The following LRRC37B variants were observed in gnomAD, a reference collection of about 807,000 sequenced individuals.
LRRC37B encodes leucine rich repeat containing 37B.
LRRC37B carries 28 observed loss-of-function variants against 98.3 expected under a neutral mutation model. That is an observed-to-expected ratio of 0.28 (90% CI 0.21 to 0.39). The LOEUF is 0.39. LRRC37B is among the 10% of genes least tolerant of loss of function. The pLI, the probability that LRRC37B is intolerant of heterozygous loss-of-function variation, is 1.00. For missense variants in LRRC37B, 938 were observed against 1,182.7 expected (o/e 0.79, Z 3.03); for synonymous variants, 364 against 442.7 (o/e 0.82, Z 2.23).
At chr17:32,029,830 C>T (rs1278642910) in intron 3 of LRRC37B, among the ~76,000 whole-genome samples, 1 of 152,120 alleles carries the variant, frequency 6.6e-6, no homozygotes, top group Non-Finnish European at 1.5e-5. Context: ...TGAGAGGGCA[C>T]GTTAGAACTC....
chr17:32,015,733 T>C (rs1297690998), intron 1 of LRRC37B, among the ~76,000 whole-genome samples: 1 of 152,230 alleles, frequency 6.6e-6, no homozygotes. Context: ...TGTTTATGGG[T>C]GTCATTGGTT....
At chr17:32,015,202 G>T (rs1424919581) in intron 1 of LRRC37B, among the ~76,000 whole-genome samples, 1 of 152,152 alleles carries the variant, frequency 6.6e-6, no homozygotes, top group Non-Finnish European at 1.5e-5. Context: ...AGGGATTGGG[G>T]GCAAATGGAA....
At chr17:32,018,627 C>CACAG (rs1054288029), upstream of LRRC37B, among the ~76,000 whole-genome samples, 1 of 152,108 alleles carries the variant, frequency 6.6e-6, no homozygotes, top group Non-Finnish European at 1.5e-5. Flanking sequence ...GCTGCTTGAA[C>CACAG]ACAGGCCTTT....
chr17:32,008,527 A>G (rs963472736), intron 1 of LRRC37B, among the ~76,000 whole-genome samples: 1 of 152,200 alleles, frequency 6.6e-6, no homozygotes, highest in Non-Finnish European at 1.5e-5. Context: ...TTGTTTTGCA[A>G]ACCTCTTTGC....
At chr17:32,021,429 G>C (rs773714606) in exon 1 of LRRC37B, 4 of 1,613,594 alleles carry the variant, frequency 2.5e-6, no homozygotes, top group Non-Finnish European at 3.4e-6. Context: ...TGAAAATTTG[G>C]CTCCATTCCT....
chr17:32,027,123 A>T (rs932740636), intron 2 of LRRC37B, among the ~76,000 whole-genome samples: 8 of 152,216 alleles, frequency 5.3e-5, no homozygotes, highest in Non-Finnish European at 1.2e-4. Flanking sequence ...TGGGGGAAAA[A>T]TGTTGAATGG....
intron 7 of LRRC37B, chr17:32,040,467 C>T (rs1228162231): frequency 1.9e-5 from 12 of 618,256 alleles, no homozygotes; most frequent in Non-Finnish European, 2.7e-5. Flanking sequence ...AGCAGTTCTA[C>T]AAGGCAAGCC....
At chr17:32,014,016 C>G (rs1261670410) in intron 1 of LRRC37B, among the ~76,000 whole-genome samples, 1 of 152,162 alleles carries the variant, frequency 6.6e-6, no homozygotes, top group African/African-American at 2.4e-5. Flanking sequence ...CCTCAACTTT[C>G]CCCTAATTAT....
rs569557352 is a variant in LRRC37B, at chr17:32,042,180, C to A, written c.2205-3520C>A. ...CTGGGATCTGCCCCACCTTCCCCCCCATACTGCTCCCCTCAACCAGGACAG... is the reference window on the plus strand; with the variant it reads ...CTGGGATCTGCCCCACCTTCCCCCCAATACTGCTCCCCTCAACCAGGACAG... On this transcript the variant is annotated intron_variant, in intron 7 of 11. Transcript: ENST00000327564. 511 of 278,692 alleles carry A rather than the reference C, an allele frequency of 1.8e-3. 2 individuals carry two copies. The highest frequency in any genetic ancestry group is 3.1e-3 in the Non-Finnish European group (431 of 141,174). 17.3% of individuals were successfully genotyped at this position (278,692 alleles called of 1,614,324 possible).
In LRRC37B at chr17:32,035,658, G is replaced by C. The variant is rs1209974562; in HGVS notation, c.2204+19G>C. ...AAAAACTGTAAGTTATTTTTTCTTA[G>C]ATTTATTTTTACTTAGTTGGTTTTT... is the stretch of plus-strand genomic sequence containing the variant. On this transcript the variant is annotated intron_variant, in intron 7 of 11. Coordinates refer to ENST00000327564, the Ensembl canonical transcript of LRRC37B. The C allele has an allele frequency of 6.3e-7, 1 of 1,589,074 alleles. No homozygotes were observed. Among genetic ancestry groups the C allele is most frequent in the Non-Finnish European group, 8.6e-7 (1 of 1,167,204 alleles).
rs890503334 is a variant in LRRC37B, at chr17:32,045,791, G to C, written c.2296G>C (p.Ala766Pro). The C allele has an allele frequency of 4.4e-6, 7 of 1,600,170 alleles. No homozygotes were observed. Among genetic ancestry groups the C allele is most frequent in the East Asian group, 2.2e-5 (1 of 44,894 alleles). The change falls in exon 8 of 12, where the codon GCA becomes CCA. Residue 766 changes from alanine to proline, a missense_variant. This residue lies in a region of LRRC37B where 328 missense variants were observed against 557.0 expected (regional missense o/e 0.59). Coordinates refer to ENST00000327564, the Ensembl canonical transcript of LRRC37B. ...GACAGTCAAGCTGCATTGCAACACT[G>C]CATGTCTGACTAACAGCATACATTG...
chr17:32,008,389 T>A (rs567844871), intron 1 of LRRC37B, among the ~76,000 whole-genome samples: 76 of 152,240 alleles, frequency 5.0e-4, no homozygotes, highest in Non-Finnish European at 8.8e-4. Flanking sequence ...CTCCCTTTTT[T>A]TCTCCTCAAA....
At chr17:32,032,361 G>C (rs1480665432) in intron 5 of LRRC37B, among the ~76,000 whole-genome samples, 1 of 152,030 alleles carries the variant, frequency 6.6e-6, no homozygotes, top group Non-Finnish European at 1.5e-5. Flanking sequence ...TTTATGTTAA[G>C]CTATTGTGCA....
rs530051777 is a variant in LRRC37B, at chr17:32,052,844, C to T, written c.2863-422C>T. On this transcript the variant is annotated intron_variant, in intron 11 of 11. Coordinates refer to ENST00000327564, the Ensembl canonical transcript of LRRC37B. Reference sequence around the variant, plus strand: ...CCTGTAGTCCCAGCTACTCAAGAGGCTGAGGTGGGCAGATCACTGGAGCCC... The same window carrying T: ...CCTGTAGTCCCAGCTACTCAAGAGGTTGAGGTGGGCAGATCACTGGAGCCC... The T allele has an allele frequency of 4.6e-3, 713 of 154,612 alleles. 23 individuals carry two copies. Among genetic ancestry groups the T allele is most frequent in the Admixed American group, 0.04 (614 of 15,310 alleles). 9.6% of individuals were successfully genotyped at this position (154,612 alleles called of 1,614,324 possible). A position where few individuals can be genotyped will look rare whatever the true frequency, so the allele number is the denominator to read the frequency against.
At chr17:32,052,626 G>C (rs1047718723) in intron 11 of LRRC37B, 1 of 152,120 alleles carries the variant, frequency 6.6e-6, no homozygotes, top group Non-Finnish European at 1.5e-5. Context: ...CAATTAGAAA[G>C]TACAGTATAA....
upstream of LRRC37B, among the ~76,000 whole-genome samples, chr17:32,018,211 C>G (rs1910688368): frequency 1.3e-5 from 2 of 152,002 alleles, no homozygotes; most frequent in South Asian, 4.1e-4. Flanking sequence ...GCATGCATCC[C>G]AGCTACTCTG....
chr17:32,035,951 A>C, intron 7 of LRRC37B: 1 of 271,138 alleles, frequency 3.7e-6, no homozygotes, highest in Non-Finnish European at 7.0e-6. Context: ...ATGTCTTATA[A>C]ATGAAATCAT....
At chr17:32,024,565 A>T (rs1910889617) in intron 1 of LRRC37B, 146 bp from the exon 5 acceptor site, 2 of 1,395,528 alleles carry the variant, frequency 1.4e-6, no homozygotes, top group Admixed American at 3.6e-5. Context: ...AAGTGTGCAA[A>T]CTGGGAAGCT....
chr17:32,029,482 A>C (rs1383025414), intron 3 of LRRC37B, among the ~76,000 whole-genome samples: 1 of 152,036 alleles, frequency 6.6e-6, no homozygotes, highest in Non-Finnish European at 1.5e-5. Context: ...AGGAGGGATA[A>C]ATTGTTTCTG....
Sources: allele counts gnomAD v4.1 joint callset (sites outside exome capture counted in the v4.1 genomes callset), GRCh38; gene constraint gnomAD v4.1.1; regional missense constraint gnomAD v4.1.1; transcripts MANE v1.5; gene names NCBI Gene and HGNC (gene_info 2026-07-23, HGNC 2026-07-21).